GMDS: variants seen among roughly 807,000 people sequenced by gnomAD.
The protein encoded by GMDS is GDP-mannose 4,6 dehydratase.
In GMDS, 20 loss-of-function variants were observed where a neutral mutation model predicts 49.9. The observed-to-expected ratio is 0.40, with a 90% confidence interval of 0.28 to 0.58. The LOEUF (loss-of-function observed/expected upper bound fraction) is 0.58. Ranked by LOEUF, GMDS falls within the 20% of genes least tolerant of loss-of-function variation. GMDS has a pLI of 0.42. For missense variants in GMDS, 362 were observed against 481.4 expected (o/e 0.75, Z 2.32); for synonymous variants, 177 against 178.6 (o/e 0.99, Z 0.07).
intron 6 of GMDS, among the ~76,000 whole-genome samples, chr6:1,944,060 G>T (rs1762943693): frequency 6.6e-6 from 1 of 152,186 alleles, no homozygotes; most frequent in African/African-American, 2.4e-5. Flanking sequence ...CTTTACTTCA[G>T]AATTGATAGA....
At chr6:1,748,169 A>G (rs1165994215) in intron 7 of GMDS, among the ~76,000 whole-genome samples, 1 of 152,240 alleles carries the variant, frequency 6.6e-6, no homozygotes, top group East Asian at 1.9e-4. Flanking sequence ...TCTCTTCCCT[A>G]GAAACAATAT....
intron 7 of GMDS, among the ~76,000 whole-genome samples, chr6:1,858,930 A>G (rs1758059636): frequency 6.6e-6 from 1 of 151,310 alleles, no homozygotes; most frequent in Admixed American, 6.6e-5. Context: ...ACATTAAAGG[A>G]GAAATGGCCG....
intron 7 of GMDS, among the ~76,000 whole-genome samples, chr6:1,815,987 C>T (rs1047392759): frequency 1.3e-5 from 2 of 152,212 alleles, no homozygotes; most frequent in African/African-American, 4.8e-5. Flanking sequence ...TCCATTTCCC[C>T]ACCTCTGACA....
intron 9 of GMDS, among the ~76,000 whole-genome samples, chr6:1,698,000 A>G (rs1765403057): frequency 1.3e-5 from 2 of 152,214 alleles, no homozygotes; most frequent in Non-Finnish European, 2.9e-5. Flanking sequence ...CCTTTAGGGG[A>G]GTCAAGCATA....
intron 4 of GMDS, among the ~76,000 whole-genome samples, chr6:2,087,847 T>C (rs1040488778): frequency 6.6e-6 from 1 of 152,204 alleles, no homozygotes; most frequent in Non-Finnish European, 1.5e-5. Context: ...GAAGTCCCTA[T>C]AATCAAGGTA....
intron 7 of GMDS, among the ~76,000 whole-genome samples, chr6:1,817,949 G>T (rs767880165): frequency 1.3e-5 from 2 of 151,866 alleles, no homozygotes; most frequent in South Asian, 2.1e-4. Flanking sequence ...AATTGTAATG[G>T]TGCAAAAAGC....
In GMDS at chr6:2,110,783, A is replaced by C. The variant is rs149828093; in HGVS notation, c.345+4988T>G. Among the ~76,000 whole-genome samples the C allele has an allele frequency of 2.6e-5, 4 of 152,342 alleles. No individual in the cohort carries two copies. The East Asian group carries it at 7.7e-4, about 29-fold the overall frequency. On this transcript the variant is annotated intron_variant, in intron 4 of 10. Transcript: ENST00000380815. ...AGACTTGAAAAGGAAAGTAATACAG[A>C]TATTTAAAGGGTTAGAAAAGGAGTA...
At chr6:1,667,477 G>A (rs1285805836) in intron 9 of GMDS, among the ~76,000 whole-genome samples, 1 of 152,130 alleles carries the variant, frequency 6.6e-6, no homozygotes, top group Non-Finnish European at 1.5e-5. Flanking sequence ...AGAGCCCCTC[G>A]TGAAGTCAGC....
At chr6:1,691,073 A>G (rs952352752) in intron 9 of GMDS, among the ~76,000 whole-genome samples, 2 of 152,248 alleles carry the variant, frequency 1.3e-5, no homozygotes, top group African/African-American at 4.8e-5. Context: ...TGTTCATTGC[A>G]GTGCTAGTCA....
chr6:1,676,010 A>G (rs1482928147), intron 9 of GMDS, among the ~76,000 whole-genome samples: 1 of 152,202 alleles, frequency 6.6e-6, no homozygotes, highest in African/African-American at 2.4e-5. Flanking sequence ...AGACTAAACC[A>G]AGAAGAAGTT....
At chr6:1,783,155 AGAGAG>A (rs1052278373) in intron 7 of GMDS, among the ~76,000 whole-genome samples, 12 of 152,252 alleles carry the variant, frequency 7.9e-5, no homozygotes, top group Non-Finnish European at 1.2e-4. Flanking sequence ...ACCTTGCCAA[AGAGAG>A]GAGAGGAGAG....
chr6:1,676,869 T>C (rs2113296661), intron 9 of GMDS, among the ~76,000 whole-genome samples: 1 of 152,300 alleles, frequency 6.6e-6, no homozygotes, highest in East Asian at 1.9e-4. Context: ...GACATAGGCA[T>C]GGGCAAGGAC....
At chr6:2,237,383 A>G (rs1291575899) in intron 1 of GMDS, among the ~76,000 whole-genome samples, 2 of 152,134 alleles carry the variant, frequency 1.3e-5, no homozygotes, top group East Asian at 3.9e-4. Context: ...TTACTCACTC[A>G]TTTCCTATGT....
intron 1 of GMDS, among the ~76,000 whole-genome samples, chr6:2,159,008 G>A (rs1777248029): frequency 1.3e-5 from 2 of 152,198 alleles, no homozygotes; most frequent in East Asian, 1.9e-4. Context: ...AAGTAATTAT[G>A]TGCTCTGGAT....
At chr6:2,050,516 T>G (rs934842557) in intron 4 of GMDS, among the ~76,000 whole-genome samples, 2 of 152,348 alleles carry the variant, frequency 1.3e-5, no homozygotes, top group Admixed American at 1.3e-4. Context: ...GAATCCTCCC[T>G]AACTCATTTT....
At chr6:1,917,954 G>C (rs1761488317) in intron 7 of GMDS, among the ~76,000 whole-genome samples, 1 of 152,172 alleles carries the variant, frequency 6.6e-6, no homozygotes, top group South Asian at 2.1e-4. Context: ...GACAGAAAAT[G>C]GTACTGCAGA....
At chr6:2,062,879 T>C (rs1193986689) in intron 4 of GMDS, among the ~76,000 whole-genome samples, 1 of 152,266 alleles carries the variant, frequency 6.6e-6, no homozygotes, top group African/African-American at 2.4e-5. Context: ...TCAGTTCATT[T>C]ACCTATAAAA....
chr6:1,701,473 C>T lies in GMDS; in HGVS notation c.987+24943G>A, dbSNP rs1765542146. Among the ~76,000 whole-genome samples, 3 of 152,162 alleles carry T rather than the reference C, an allele frequency of 2.0e-5. No individual in the cohort carries two copies. In the South Asian group the frequency reaches 6.2e-4, roughly 32 times the overall value. On this transcript the variant is annotated intron_variant, in intron 9 of 10. Transcript: ENST00000380815. Reference sequence around the variant, plus strand: ...AACACATGACCCGCATCTACTCTGACACTTTCCCATTCATCGACAGAGCAA... The same window carrying T: ...AACACATGACCCGCATCTACTCTGATACTTTCCCATTCATCGACAGAGCAA...
intron 9 of GMDS, among the ~76,000 whole-genome samples, chr6:1,673,459 C>G (rs1337556201): frequency 6.6e-6 from 1 of 151,820 alleles, no homozygotes; most frequent in Non-Finnish European, 1.5e-5. Context: ...TCTCACAGGA[C>G]CTTTCCTCCA....
Sources: gnomAD v4.1 joint callset for allele counts (sites outside exome capture counted in the v4.1 genomes callset) on GRCh38, gnomAD v4.1.1 for gene constraint, MANE v1.5 for transcripts, NCBI Gene and HGNC (gene_info 2026-07-23, HGNC 2026-07-21) for gene names.